The following SHROOM3 variants were observed in gnomAD, a reference collection of about 807,000 sequenced individuals.
The protein encoded by SHROOM3 is shroom family member 3, also known as protein Shroom3.
SHROOM3 carries 47 observed loss-of-function variants against 138.6 expected under a neutral mutation model. That is an observed-to-expected ratio of 0.34 (90% CI 0.27 to 0.43). SHROOM3 has a LOEUF of 0.43. SHROOM3 is among the 20% of genes least tolerant of loss of function. The pLI is 1.00. For synonymous variants in SHROOM3, 1,062 were observed against 1,063.3 expected, an observed-to-expected ratio of 1.00 and a Z score of 0.02; for missense variants, 2,491 against 2,596.5, an observed-to-expected ratio of 0.96 and a Z score of 0.88.
At chr4:76,775,222 CCT>C (rs1335100747) in intron 10 of SHROOM3, among the ~76,000 whole-genome samples, 3 of 152,220 alleles carry the variant, frequency 2.0e-5, no homozygotes, top group Non-Finnish European at 4.4e-5. Context: ...GTTTTCCATT[CCT>C]GAGTCACTTC....
rs1721260175 is a variant in SHROOM3, at chr4:76,741,652, T to C, written c.3479T>C (p.Val1160Ala). ...RREATLLPAT[V>A]AETQQAPRDR... ...GAGGCCACGCTCCTGCCGGCCACAG[T>C]TGCAGAAACCCAGCAGGCTCCCCGA... Residue 1160 changes from valine (V) to alanine (A), a missense_variant, in exon 5 of 11, where the codon GTT becomes GCT. By Grantham distance (64) the Val-to-Ala change is moderately conservative (BLOSUM62 0). This residue lies in a region of SHROOM3 where 1,733 missense variants were observed against 1,661.6 expected (regional missense o/e 1.04). Transcript: ENST00000296043. This position sits in a 1 kb window ranked among gnomAD's most constrained non-coding sequence, Gnocchi z 6.2. 6.5e-7 allele frequency: 1 copy of C among 1,547,646 alleles called. No homozygotes were observed. The highest frequency in any genetic ancestry group is 8.7e-7 in the Non-Finnish European group (1 of 1,150,976).
chr4:76,673,594 T>C (rs1336154878), intron 2 of SHROOM3, among the ~76,000 whole-genome samples: 3 of 152,132 alleles, frequency 2.0e-5, no homozygotes, highest in African/African-American at 7.2e-5. Context: ...AATTGAGCAA[T>C]AGTGTATTTT....
chr4:76,669,087 C>G (rs1718803938), intron 2 of SHROOM3, among the ~76,000 whole-genome samples: 1 of 152,164 alleles, frequency 6.6e-6, no homozygotes, highest in Non-Finnish European at 1.5e-5. Flanking sequence ...CCCCTTTCTC[C>G]TTTAGTGGCA....
At chr4:76,524,887 A>G (rs1484090605) in intron 1 of SHROOM3, among the ~76,000 whole-genome samples, 1 of 152,170 alleles carries the variant, frequency 6.6e-6, no homozygotes, top group East Asian at 1.9e-4. Context: ...AAAGGTAGGC[A>G]TGCCAGGACC....
At chr4:76,736,289 T>A (rs1416226338) in intron 4 of SHROOM3, among the ~76,000 whole-genome samples, 2 of 152,158 alleles carry the variant, frequency 1.3e-5, no homozygotes, top group East Asian at 3.9e-4. Context: ...CTGATTTCCC[T>A]GATCTGGCTG....
At chr4:76,601,483 T>G (rs1383025901) in intron 2 of SHROOM3, among the ~76,000 whole-genome samples, 1 of 152,222 alleles carries the variant, frequency 6.6e-6, no homozygotes, top group East Asian at 1.9e-4. Context: ...TAATTGAAAT[T>G]ATTTTCCTCA....
At chr4:76,528,395 A>G (rs1732748073) in intron 1 of SHROOM3, among the ~76,000 whole-genome samples, 1 of 136,022 alleles carries the variant, frequency 7.4e-6, no homozygotes, top group Non-Finnish European at 1.5e-5. Context: ...GTTGCCCAGG[A>G]TGTACTTGAA....
At chr4:76,555,303 G>T (rs1022454408) in intron 1 of SHROOM3, among the ~76,000 whole-genome samples, 11 of 152,076 alleles carry the variant, frequency 7.2e-5, no homozygotes, top group African/African-American at 2.7e-4. Flanking sequence ...GTAAAGCAAG[G>T]GCTGGGGAGA....
At chr4:76,500,346 G>A (rs941003525) in intron 1 of SHROOM3, among the ~76,000 whole-genome samples, 3 of 152,114 alleles carry the variant, frequency 2.0e-5, no homozygotes, top group East Asian at 1.9e-4. Context: ...TTGGCCAGCC[G>A]CTCTTGCAGC....
At chr4:76,438,555 T>C (rs1002221459) in intron 1 of SHROOM3, among the ~76,000 whole-genome samples, 3 of 152,218 alleles carry the variant, frequency 2.0e-5, no homozygotes, top group Non-Finnish European at 4.4e-5. Context: ...TCTTCCCCCA[T>C]GTTGTCTGTC....
chr4:76,702,979 AAG>A (rs754508550), intron 2 of SHROOM3, among the ~76,000 whole-genome samples: 7 of 152,228 alleles, frequency 4.6e-5, no homozygotes, highest in Non-Finnish European at 1.0e-4. Context: ...CGGTTTCAGA[AAG>A]AGTCAGAAAT....
intron 1 of SHROOM3, among the ~76,000 whole-genome samples, chr4:76,440,558 C>T (rs938992087): frequency 1.3e-5 from 2 of 152,196 alleles, no homozygotes; most frequent in Admixed American, 1.3e-4. Flanking sequence ...GACTACTGCT[C>T]AGTCAACTGC....
intron 3 of SHROOM3, among the ~76,000 whole-genome samples, chr4:76,724,509 G>T (rs1027397137): frequency 2.0e-5 from 3 of 151,884 alleles, no homozygotes; most frequent in Non-Finnish European, 2.9e-5. Flanking sequence ...AAAATACTTT[G>T]CTTTTCAATA....
intron 2 of SHROOM3, among the ~76,000 whole-genome samples, chr4:76,662,815 G>A (rs543922735): frequency 6.6e-6 from 1 of 152,130 alleles, no homozygotes; most frequent in Non-Finnish European, 1.5e-5. Context: ...CTAGGAGTTC[G>A]AGGCTGCAGT....
chr4:76,757,088 T>A, intron 8 of SHROOM3, 151 bp downstream of exon 8: 1 of 1,241,654 alleles, frequency 8.1e-7, no homozygotes, highest in Non-Finnish European at 1.1e-6. Flanking sequence ...GAGGAATGGC[T>A]CTGGCAGTGA....
intron 1 of SHROOM3, among the ~76,000 whole-genome samples, chr4:76,518,476 TTGCCTGTC>T (rs1466265509): frequency 2.7e-5 from 4 of 148,538 alleles, no homozygotes; most frequent in African/African-American, 1.0e-4. Flanking sequence ...TCCTTCCTTT[TTGCCTGTC>T]TGCCTGCCTG....
At chr4:76,602,994 G>A (rs1734536934) in intron 2 of SHROOM3, among the ~76,000 whole-genome samples, 1 of 152,148 alleles carries the variant, frequency 6.6e-6, no homozygotes, top group African/African-American at 2.4e-5. Context: ...TTGTTGCATT[G>A]TATTTTATTT....
chr4:76,501,905 A>G (rs1007936646), intron 1 of SHROOM3, among the ~76,000 whole-genome samples: 2 of 152,176 alleles, frequency 1.3e-5, no homozygotes, highest in African/African-American at 4.8e-5. Flanking sequence ...TCCAGTAAAC[A>G]TAAGTAACGT....
Position 76,755,123 on chromosome 4 carries a change from C to T in SHROOM3, c.4640C>T (p.Pro1547Leu). The change falls in exon 7 of 11, where the codon CCT becomes CTT. Residue 1547 changes from proline to leucine, a missense_variant. Physicochemically the swap from Pro to Leu is moderately conservative, Grantham distance 98. Transcript: ENST00000296043. ...ETPVYSMDDF[P>L]PPPPHTVCEA... The stretch of plus-strand genomic sequence containing the variant: ...CCGGTGTATAGCATGGATGACTTCC[C>T]TCCACCTCCTCCCCACACTGTATGT... 1 of 1,609,374 alleles carries T rather than the reference C, an allele frequency of 6.2e-7. No individual in the cohort carries two copies. The highest frequency in any genetic ancestry group is 8.5e-7 in the Non-Finnish European group (1 of 1,177,258).
Sources: gnomAD v4.1 joint callset for allele counts (sites outside exome capture counted in the v4.1 genomes callset) on GRCh38, gnomAD v4.1.1 for gene constraint, gnomAD v4.1.1 regional missense constraint, Gnocchi (gnomAD v3.1) non-coding constraint, MANE v1.5 for transcripts, NCBI Gene and HGNC (gene_info 2026-07-23, HGNC 2026-07-21) for gene names.